GLRA1: variants seen among roughly 807,000 people sequenced by gnomAD.
The protein encoded by GLRA1 is glycine receptor subunit alpha-1.
Under a neutral mutation model 48.3 loss-of-function variants are expected in GLRA1, and 37 were observed. The observed-to-expected ratio is 0.77, with a 90% CI of 0.59 to 1.01. The LOEUF (loss-of-function observed/expected upper bound fraction) is 1.01, where lower values mean the gene tolerates loss of function less well. Ranked by LOEUF, GLRA1 falls within the 50% of genes least tolerant of loss-of-function variation. The pLI is 0.00. For missense variants in GLRA1, 427 were observed against 571.0 expected, an observed-to-expected ratio of 0.75 and a Z score of 2.57; for synonymous variants, 196 against 210.7, an observed-to-expected ratio of 0.93 and a Z score of 0.60.
chr5:151,837,123 AAAAC>A (rs1200859741), intron 7 of GLRA1, among the ~76,000 whole-genome samples: 1 of 152,164 alleles, frequency 6.6e-6, no homozygotes, highest in Non-Finnish European at 1.5e-5. Context: ...ATTTATAAGA[AAAAC>A]AACCCCATCA....
At chr5:151,827,526 G>C (rs970407761) in intron 8 of GLRA1, among the ~76,000 whole-genome samples, 2 of 152,156 alleles carry the variant, frequency 1.3e-5, no homozygotes, top group African/African-American at 4.8e-5. Flanking sequence ...ATTCTCACCA[G>C]AATTTCCCTT....
intron 7 of GLRA1, among the ~76,000 whole-genome samples, chr5:151,847,631 A>C (rs146913392): frequency 2.1e-4 from 32 of 152,200 alleles, no homozygotes; most frequent in African/African-American, 7.5e-4. Context: ...AGGCAGGAGA[A>C]TCGCTTGAAC....
At chr5:151,917,777 A>G (rs1021918509) in intron 1 of GLRA1, among the ~76,000 whole-genome samples, 3 of 152,200 alleles carry the variant, frequency 2.0e-5, no homozygotes, top group Non-Finnish European at 4.4e-5. Context: ...TTGATACTCA[A>G]GACACTCTGA....
intron 7 of GLRA1, chr5:151,849,955 T>A: frequency 6.3e-7 from 1 of 1,583,860 alleles, no homozygotes. Flanking sequence ...GTAAGGACCC[T>A]ACAAGCTGGT....
intron 7 of GLRA1, among the ~76,000 whole-genome samples, chr5:151,831,643 G>A (rs887430564): frequency 1.3e-5 from 2 of 152,228 alleles, no homozygotes; most frequent in Non-Finnish European, 2.9e-5. Context: ...AAAAGGAGCA[G>A]CTCCAGTCAG....
intron 4 of GLRA1, among the ~76,000 whole-genome samples, chr5:151,856,604 G>A (rs949457366): frequency 6.6e-6 from 1 of 152,140 alleles, no homozygotes; most frequent in African/African-American, 2.4e-5. Context: ...CTGCAGTCTT[G>A]ACTTTCTGGG....
chr5:151,868,016 A>C (rs1581630654), intron 3 of GLRA1, among the ~76,000 whole-genome samples: 1 of 152,224 alleles, frequency 6.6e-6, no homozygotes, highest in Non-Finnish European at 1.5e-5. Flanking sequence ...TGTTGTGACA[A>C]TCCAGTTGGG....
chr5:151,865,894 C>T (rs1165408494), intron 3 of GLRA1, among the ~76,000 whole-genome samples: 1 of 152,164 alleles, frequency 6.6e-6, no homozygotes, highest in African/African-American at 2.4e-5. Context: ...AGTTGGCAAA[C>T]AGCAGTGAGA....
intron 7 of GLRA1, among the ~76,000 whole-genome samples, chr5:151,840,730 G>GA (rs1259146256): frequency 0.022 from 2,140 of 97,482 alleles, 33 homozygotes; most frequent in African/African-American, 0.067. Flanking sequence ...ACCAACATCA[G>GA]AAAAAAAAAA....
intron 7 of GLRA1, among the ~76,000 whole-genome samples, chr5:151,835,303 C>G (rs180879751): frequency 6.6e-6 from 1 of 152,038 alleles, no homozygotes; most frequent in African/African-American, 2.4e-5. Flanking sequence ...CCAAAAAAAG[C>G]CCAGGACCAG....
rs907999797 is a variant in GLRA1, at chr5:151,822,570, AG to A, written c.*102del. On this transcript the variant is annotated 3_prime_UTR_variant, in exon 9 of 9. Transcript: ENST00000274576. ...CACATATTGCAGAGAGAGTTGTGTA[AG>A]TGTGCCCCCTCCCTCCGTTCCCCTT... The A allele has an allele frequency of 2.5e-6, 2 of 814,184 alleles. No homozygotes were observed. Among genetic ancestry groups the A allele is most frequent in the Non-Finnish European group, 4.3e-6 (2 of 464,302 alleles). The allele number at this position is 814,184 out of a possible 1,614,324, so 50.4% of individuals were successfully genotyped here.
chr5:151,830,877 G>A (rs1406448391), intron 7 of GLRA1, among the ~76,000 whole-genome samples: 1 of 152,224 alleles, frequency 6.6e-6, no homozygotes, highest in East Asian at 1.9e-4. Flanking sequence ...AATAGGAACA[G>A]CTCCGGTCTG....
At position 151,833,796 on chromosome 5, in the gene GLRA1, C is replaced by CAA. The variant is rs757336792; in HGVS notation, c.913-4731_913-4730dup. Among the ~76,000 whole-genome samples the CAA allele has an allele frequency of 1.0e-3, 65 of 64,764 alleles. 2 individuals are homozygous for CAA. Among genetic ancestry groups the CAA allele is most frequent in the African/African-American group, 2.7e-3 (43 of 15,882 alleles). 42.5% of individuals were successfully genotyped at this position (64,764 alleles called of 152,430 possible). ...GGATATTTACCAAGGAAGTGGAAAG[C>CAA]AAAAAAAAAAAAAAAAAAAGCAGGG... On this transcript the variant is annotated intron_variant, in intron 7 of 8. Transcript: ENST00000274576.
At chr5:151,849,835 T>G in intron 7 of GLRA1, 1 of 1,318,962 alleles carries the variant, frequency 7.6e-7, no homozygotes, top group African/African-American at 1.5e-5. Context: ...ATTACAGGCA[T>G]GAGCCACCAT....
At chr5:151,854,851 A>C (rs186424643) in intron 6 of GLRA1, among the ~76,000 whole-genome samples, 189 bp downstream of exon 6, 25 of 152,350 alleles carry the variant, frequency 1.6e-4, no homozygotes, top group African/African-American at 5.5e-4. Context: ...GGTATGGCCC[A>C]AGCTTAAGTT....
intron 2 of GLRA1, among the ~76,000 whole-genome samples, chr5:151,888,579 A>G (rs1753979095): frequency 6.6e-6 from 1 of 152,188 alleles, no homozygotes; most frequent in Non-Finnish European, 1.5e-5. Flanking sequence ...ATTTCTTCCC[A>G]AACTGAAGTG....
chr5:151,833,427 T>C (rs1763475674), intron 7 of GLRA1, among the ~76,000 whole-genome samples: 1 of 152,124 alleles, frequency 6.6e-6, no homozygotes, highest in South Asian at 2.1e-4. Context: ...AAGACACATA[T>C]AGGCTCAAAA....
intron 1 of GLRA1, among the ~76,000 whole-genome samples, chr5:151,918,401 T>C (rs947038767): frequency 2.2e-4 from 34 of 152,334 alleles, no homozygotes; most frequent in African/African-American, 8.2e-4. Context: ...GTGCATTTTC[T>C]GGTAGTTTTT....
chr5:151,910,528 C>T (rs1234483208), intron 1 of GLRA1, among the ~76,000 whole-genome samples: 1 of 152,100 alleles, frequency 6.6e-6, no homozygotes, highest in African/African-American at 2.4e-5. Flanking sequence ...TGCTATTTGC[C>T]TTCCCTTCTC....
Sources: gnomAD v4.1 joint callset for allele counts (sites outside exome capture counted in the v4.1 genomes callset) on GRCh38, gnomAD v4.1.1 for gene constraint, MANE v1.5 for transcripts, NCBI Gene and HGNC (gene_info 2026-07-23, HGNC 2026-07-21) for gene names.